Variants in ITPR2 observed in about 807,000 individuals in gnomAD.
ITPR2 encodes inositol 1,4,5-trisphosphate-gated calcium channel ITPR2.
In ITPR2, 207 loss-of-function variants were observed where a neutral mutation model predicts 317.1. The ratio of observed to expected loss-of-function variants is 0.65; its 90% confidence interval spans 0.58 to 0.73. The LOEUF is 0.73. Ranked by LOEUF, ITPR2 falls within the 30% of genes least tolerant of loss-of-function variation. The pLI is 0.00. For missense variants in ITPR2, 2,613 were observed against 3,284.0 expected (o/e 0.80, Z 4.99); for synonymous variants, 1,156 against 1,149.1 (o/e 1.01, Z -0.12).
chr12:26,650,083 ATAAT>A (rs573804154), intron 21 of ITPR2, among the ~76,000 whole-genome samples: 21 of 95,046 alleles, frequency 2.2e-4, no homozygotes, highest in Non-Finnish European at 3.2e-4. Context: ...TGCTGAAAGA[ATAAT>A]TAAGGTATCT....
chr12:26,699,698 A>T (rs1948411137), intron 9 of ITPR2, among the ~76,000 whole-genome samples: 4 of 152,192 alleles, frequency 2.6e-5, no homozygotes, highest in Admixed American at 2.6e-4. Context: ...AAAGCCACCC[A>T]AATAAATCCA....
intron 10 of ITPR2, among the ~76,000 whole-genome samples, chr12:26,691,737 G>A (rs1191125030): frequency 6.6e-6 from 1 of 151,932 alleles, no homozygotes; most frequent in Admixed American, 6.6e-5. Context: ...TTTTAGCACA[G>A]ACATCACGTT....
intron 1 of ITPR2, among the ~76,000 whole-genome samples, chr12:26,792,490 C>T (rs893343884): frequency 6.6e-6 from 1 of 151,922 alleles, no homozygotes; most frequent in Non-Finnish European, 1.5e-5. Context: ...CTACCATTTA[C>T]CATCATTCTG....
intron 36 of ITPR2, among the ~76,000 whole-genome samples, chr12:26,552,177 G>A (rs997798313): frequency 6.6e-5 from 10 of 152,004 alleles, no homozygotes; most frequent in Non-Finnish European, 1.3e-4. Flanking sequence ...GCTAATGTGT[G>A]GATGGTGATC....
chr12:26,419,317 A>G (rs1940818373), intron 49 of ITPR2, 104 bp from the exon 50 acceptor site: 1 of 923,532 alleles, frequency 1.1e-6, no homozygotes, highest in Non-Finnish European at 1.6e-6. Context: ...TGGATGAAAC[A>G]ATTATTCATT....
intron 9 of ITPR2, among the ~76,000 whole-genome samples, chr12:26,701,365 T>G (rs1326885718): frequency 6.6e-6 from 1 of 152,228 alleles, no homozygotes; most frequent in Non-Finnish European, 1.5e-5. Flanking sequence ...AACACTGAAA[T>G]CATAAACATC....
At chr12:26,790,600 C>CACACACACACACACACAA (rs1173784363) in intron 1 of ITPR2, among the ~76,000 whole-genome samples, 1 of 151,862 alleles carries the variant, frequency 6.6e-6, no homozygotes, top group Non-Finnish European at 1.5e-5. Context: ...CACACACACA[C>CACACACACACACACACAA]ACACACACAC....
chr12:26,671,180 A>T (rs1381819280), intron 13 of ITPR2, among the ~76,000 whole-genome samples: 2 of 152,230 alleles, frequency 1.3e-5, no homozygotes, highest in East Asian at 3.8e-4. Context: ...CAACATTCAG[A>T]TTCAGGAAAT....
chr12:26,342,066 G>A (rs1024912519), intron 55 of ITPR2, among the ~76,000 whole-genome samples: 3 of 152,210 alleles, frequency 2.0e-5, no homozygotes, highest in Non-Finnish European at 2.9e-5. Context: ...ATGCTTGCAC[G>A]GTAGTGTGGC....
At chr12:26,819,140 T>C (rs574529234) in intron 1 of ITPR2, among the ~76,000 whole-genome samples, 1 of 152,238 alleles carries the variant, frequency 6.6e-6, no homozygotes, top group Non-Finnish European at 1.5e-5. Flanking sequence ...TTTCAAGTTA[T>C]TTTGTAATTT....
chr12:26,415,211 C>T (rs1230500448), intron 51 of ITPR2, 92 bp downstream of exon 51: 2 of 812,014 alleles, frequency 2.5e-6, no homozygotes, highest in African/African-American at 3.5e-5. Context: ...AAAACATTTC[C>T]TCTATTCGTG....
At chr12:26,598,261 T>A (rs991909970) in intron 30 of ITPR2, among the ~76,000 whole-genome samples, 2 of 152,182 alleles carry the variant, frequency 1.3e-5, no homozygotes, top group African/African-American at 4.8e-5. Flanking sequence ...TTTAAAAAAA[T>A]TCAAGGCTTT....
chr12:26,725,020 A>C (rs549789815), intron 3 of ITPR2, among the ~76,000 whole-genome samples: 1 of 152,274 alleles, frequency 6.6e-6, no homozygotes, highest in African/African-American at 2.4e-5. Flanking sequence ...AATGATTATA[A>C]TATAGTGTGA....
intron 9 of ITPR2, among the ~76,000 whole-genome samples, chr12:26,703,241 C>T (rs1948485740): frequency 6.6e-6 from 1 of 152,124 alleles, no homozygotes. Context: ...TTACATAGAA[C>T]CATTTCTCTC....
chr12:26,551,308 C>T (rs1211327672), intron 36 of ITPR2, among the ~76,000 whole-genome samples: 5 of 152,124 alleles, frequency 3.3e-5, no homozygotes, highest in African/African-American at 1.2e-4. Flanking sequence ...CCCAATTTAC[C>T]CTCACACCAA....
chr12:26,817,186 A>G (rs2137282679), intron 1 of ITPR2, among the ~76,000 whole-genome samples: 1 of 150,328 alleles, frequency 6.7e-6, no homozygotes, highest in African/African-American at 2.4e-5. Context: ...CTTTCAAAAA[A>G]AAAAAAAAAA....
chr12:26,516,325 A>AGGAAAGGAAG (rs1943515342), intron 37 of ITPR2, among the ~76,000 whole-genome samples: 3 of 146,110 alleles, frequency 2.1e-5, no homozygotes, highest in South Asian at 2.2e-4. Context: ...AGGAAAGGAA[A>AGGAAAGGAAG]GGAAAGGAAA....
chr12:26,783,169 G>T (rs1950126489), intron 2 of ITPR2, among the ~76,000 whole-genome samples: 1 of 152,184 alleles, frequency 6.6e-6, no homozygotes, highest in Non-Finnish European at 1.5e-5. Flanking sequence ...TCATTGCACA[G>T]CAATGAAATT....
intron 50 of ITPR2, 39 bp downstream of exon 50, chr12:26,419,010 C>A: frequency 6.4e-7 from 1 of 1,551,008 alleles, no homozygotes; most frequent in Non-Finnish European, 8.8e-7. Context: ...GCATTGTGTA[C>A]TTTTTCAGCA....
Sources: gnomAD v4.1 joint callset for allele counts (sites outside exome capture counted in the v4.1 genomes callset) on GRCh38, gnomAD v4.1.1 for gene constraint, MANE v1.5 for transcripts, NCBI Gene and HGNC (gene_info 2026-07-23, HGNC 2026-07-21) for gene names.